DNAJB6: variants seen among roughly 807,000 people sequenced by gnomAD.
DNAJB6 encodes DnaJ heat shock protein family (Hsp40) member B6.
Under a neutral mutation model 42.7 loss-of-function variants are expected in DNAJB6, and 16 were observed. The observed-to-expected ratio is 0.37, with a 90% confidence interval of 0.25 to 0.57. The LOEUF (loss-of-function observed/expected upper bound fraction) is 0.57, where lower values mean the gene tolerates loss of function less well. Among genes scored for constraint, DNAJB6 ranks in the 20% least tolerant of loss-of-function variants. The pLI is 0.74. For missense variants in DNAJB6, 347 were observed against 416.8 expected (o/e 0.83, Z 1.46); for synonymous variants, 170 against 163.5 (o/e 1.04, Z -0.30).
chr7:157,378,587 C>T (rs1177680918), intron 5 of DNAJB6: 1 of 152,270 alleles, frequency 6.6e-6, no homozygotes, highest in Non-Finnish European at 1.5e-5. Context: ...TCCAGCTCTG[C>T]TAGCCACGAA....
chr7:157,377,126 C>G (rs993529314), intron 5 of DNAJB6, among the ~76,000 whole-genome samples: 9 of 152,146 alleles, frequency 5.9e-5, no homozygotes, highest in Admixed American at 3.3e-4. Context: ...CAAATGTTTC[C>G]TTTTCAGACC....
Position 157,405,690 on chromosome 7 carries a change from C to T in DNAJB6, c.692-4105C>T, listed in dbSNP as rs978974268. 7.2e-5 allele frequency among the ~76,000 whole-genome samples: 11 copies of T among 152,302 alleles called. 1 individual carries two copies. The highest frequency in any genetic ancestry group is 6.2e-4 in the South Asian group (3 of 4,828). On this transcript the variant is annotated intron_variant, in intron 8 of 9. Transcript: ENST00000262177. ...ACAGACCGCACCAGGCCACATCCTG[C>T]GCCAATTAAACCCGAACCTCAGGGC...
chr7:157,340,985 T>A lies in DNAJB6; in HGVS notation c.-27+3841T>A, dbSNP rs1341732650. On this transcript the variant is annotated intron_variant, in intron 1 of 9. Transcript: ENST00000262177. The stretch of plus-strand genomic sequence containing the variant: ...CTGGCTGTGTGTGTGTGTGTGTGTG[T>A]GTGTGTGTGTGTGCGCGCGCGCAGG... Among the ~76,000 whole-genome samples the A allele has an allele frequency of 1.0e-3, 105 of 102,780 alleles. 1 individual carries two copies. The Admixed American group carries it at 0.01, about 10-fold the overall frequency. 67.4% of individuals were successfully genotyped at this position (102,780 alleles called of 152,430 possible).
At chr7:157,409,748 G>A (rs759155820) in intron 8 of DNAJB6, 47 bp from the exon 9 acceptor site, 43 of 1,478,266 alleles carry the variant, frequency 2.9e-5, no homozygotes, top group Non-Finnish European at 3.8e-5. Flanking sequence ...ATGGGGGCCG[G>A]CCGCCGCCGC....
chr7:157,396,248 C>T (rs1486882465), intron 8 of DNAJB6, among the ~76,000 whole-genome samples: 2 of 152,116 alleles, frequency 1.3e-5, no homozygotes, highest in African/African-American at 2.4e-5. Context: ...TGTGCCTGGC[C>T]CCATGTTCCT....
At chr7:157,409,049 T>G (rs1795874194) in intron 8 of DNAJB6, among the ~76,000 whole-genome samples, 1 of 152,264 alleles carries the variant, frequency 6.6e-6, no homozygotes, top group Non-Finnish European at 1.5e-5. Flanking sequence ...TGATTGCCAC[T>G]CAAACTTTGA....
intron 8 of DNAJB6, chr7:157,386,102 A>G: frequency 2.0e-6 from 2 of 976,954 alleles, no homozygotes; most frequent in Non-Finnish European, 1.2e-6. Context: ...TTAATACATT[A>G]ATGGTAATAC....
intron 2 of DNAJB6, among the ~76,000 whole-genome samples, 180 bp from the exon 3 acceptor site, chr7:157,362,981 C>T (rs1799678805): frequency 6.6e-6 from 1 of 152,152 alleles, no homozygotes; most frequent in South Asian, 2.1e-4. Flanking sequence ...GCCTGGCTAT[C>T]TGGATTTTAG....
At chr7:157,386,527 G>A (rs1801066779) in intron 8 of DNAJB6, among the ~76,000 whole-genome samples, 1 of 152,156 alleles carries the variant, frequency 6.6e-6, no homozygotes, top group Admixed American at 6.5e-5. Flanking sequence ...CATTTCTACA[G>A]GAGAGGGAAG....
At chr7:157,396,062 C>T (rs1479887572) in intron 8 of DNAJB6, among the ~76,000 whole-genome samples, 1 of 151,898 alleles carries the variant, frequency 6.6e-6, no homozygotes, top group Non-Finnish European at 1.5e-5. Context: ...ATTCTCATGC[C>T]TCAGCCTCCT....
intron 8 of DNAJB6, among the ~76,000 whole-genome samples, chr7:157,391,183 G>A (rs1045853389): frequency 6.6e-6 from 1 of 152,218 alleles, no homozygotes; most frequent in Non-Finnish European, 1.5e-5. Flanking sequence ...AGGAACAGCA[G>A]TTGGAGCAGA....
At chr7:157,342,300 T>C (rs1798435278) in intron 1 of DNAJB6, among the ~76,000 whole-genome samples, 1 of 149,722 alleles carries the variant, frequency 6.7e-6, no homozygotes, top group South Asian at 2.1e-4. Flanking sequence ...CCGGAGTAGC[T>C]GGGATTACAG....
At chr7:157,354,674 G>C (rs1799181078) in intron 1 of DNAJB6, among the ~76,000 whole-genome samples, 1 of 152,100 alleles carries the variant, frequency 6.6e-6, no homozygotes, top group African/African-American at 2.4e-5. Context: ...ATCTCTGAGA[G>C]CACAGGGCAG....
At chr7:157,339,622 TGTGTGTGTGTGTGTGTGTGTGTGTGA>T (rs1356036116) in intron 1 of DNAJB6, among the ~76,000 whole-genome samples, 14 of 107,840 alleles carry the variant, frequency 1.3e-4, no homozygotes, top group East Asian at 3.7e-4. Context: ...TGTGTGTGTG[TGTGTGTGTGTGTGTGTGTGTGTGTGA>T]GATGGAGTTT....
intron 5 of DNAJB6, among the ~76,000 whole-genome samples, chr7:157,370,181 C>A (rs142507665): frequency 9.7e-5 from 14 of 144,658 alleles, no homozygotes; most frequent in African/African-American, 3.0e-4. Flanking sequence ...TATTATTAAA[C>A]AGGCCCCTTC....
At chr7:157,408,587 A>G (rs1795854086) in intron 8 of DNAJB6, among the ~76,000 whole-genome samples, 1 of 152,168 alleles carries the variant, frequency 6.6e-6, no homozygotes, top group Admixed American at 6.5e-5. Context: ...GCCTGGCCTG[A>G]GGGGACAGCC....
At chr7:157,349,902 C>T (rs1474415063) in intron 1 of DNAJB6, among the ~76,000 whole-genome samples, 1 of 152,134 alleles carries the variant, frequency 6.6e-6, no homozygotes, top group South Asian at 2.1e-4. Context: ...CTCAGCCTCC[C>T]AGAGTGGTGG....
In DNAJB6 at chr7:157,359,392, A is replaced by G. The variant is rs1486227274; in HGVS notation, c.65+755A>G. On this transcript the variant is annotated intron_variant, in intron 2 of 9. Transcript: ENST00000262177. ...CATTTTGCTTAATTTTTAAATTTTAATAAAAATACAGAGTCTCAATATGTT... is the reference window on the plus strand; with the variant it reads ...CATTTTGCTTAATTTTTAAATTTTAGTAAAAATACAGAGTCTCAATATGTT... Among the ~76,000 whole-genome samples, 28 of 152,222 alleles carry G rather than the reference A, an allele frequency of 1.8e-4. 2 individuals carry two copies. The highest frequency in any genetic ancestry group is 1.8e-3 in the Admixed American group (28 of 15,274).
At chr7:157,392,154 C>T (rs1047973787) in intron 8 of DNAJB6, among the ~76,000 whole-genome samples, 2 of 151,212 alleles carry the variant, frequency 1.3e-5, no homozygotes, top group Non-Finnish European at 2.9e-5. Context: ...GGAGTCTTCT[C>T]CTATCAACAA....
Sources: gnomAD v4.1 joint callset for allele counts (sites outside exome capture counted in the v4.1 genomes callset) on GRCh38, gnomAD v4.1.1 for gene constraint, MANE v1.5 for transcripts, NCBI Gene and HGNC (gene_info 2026-07-23, HGNC 2026-07-21) for gene names.